The following PDE4D variants were observed in gnomAD, a reference collection of about 807,000 sequenced individuals.
PDE4D encodes 3',5'-cyclic-AMP phosphodiesterase 4D.
A neutral mutation model predicts 87.4 loss-of-function variants in PDE4D; 24 were observed. The observed-to-expected ratio is 0.27, with a 90% CI of 0.20 to 0.39. The LOEUF is 0.39. Ranked by LOEUF, PDE4D falls within the 10% of genes least tolerant of loss-of-function variation. PDE4D has a pLI of 1.00. For missense variants in PDE4D, 714 were observed against 1,041.0 expected, an observed-to-expected ratio of 0.69 and a Z score of 4.32; for synonymous variants, 384 against 383.2, an observed-to-expected ratio of 1.00 and a Z score of -0.02.
intron 5 of PDE4D, among the ~76,000 whole-genome samples, chr5:59,109,403 A>G (rs1354380378): frequency 1.3e-5 from 2 of 152,246 alleles, no homozygotes; most frequent in Non-Finnish European, 2.9e-5. Flanking sequence ...AGAAGCTCTG[A>G]TAAGGAGACT....
chr5:59,423,943 T>C (rs1470625588), intron 1 of PDE4D, among the ~76,000 whole-genome samples: 1 of 151,934 alleles, frequency 6.6e-6, no homozygotes, highest in Non-Finnish European at 1.5e-5. Flanking sequence ...AGAGACTAGT[T>C]ATAAAGTTAG....
At chr5:59,729,625 A>AT (rs35593639) in intron 1 of PDE4D, among the ~76,000 whole-genome samples, 14,134 of 151,018 alleles carry the variant, frequency 0.094, 1,081 homozygotes, top group African/African-American at 0.22. Flanking sequence ...TGACTTGAGT[A>AT]TTTTTTTTTC....
intron 1 of PDE4D, among the ~76,000 whole-genome samples, chr5:59,429,481 T>C (rs1008113847): frequency 3.3e-5 from 5 of 152,306 alleles, no homozygotes; most frequent in Non-Finnish European, 2.9e-5. Flanking sequence ...CTTTGTGAGT[T>C]TGTGTAGATA....
intron 3 of PDE4D, among the ~76,000 whole-genome samples, chr5:59,939,161 G>T (rs78422441): frequency 6.6e-6 from 1 of 152,194 alleles, no homozygotes; most frequent in Non-Finnish European, 1.5e-5. Context: ...TAAAGCACAA[G>T]AATGCAGTGT....
intron 6 of PDE4D, chr5:59,001,963 G>A (rs903670477): frequency 2.0e-5 from 9 of 455,208 alleles, no homozygotes; most frequent in Admixed American, 1.0e-4. Context: ...TGAGTAACCC[G>A]GCATGTTCCC....
At chr5:60,454,888 G>T (rs551873118) in intron 1 of PDE4D, among the ~76,000 whole-genome samples, 1 of 151,950 alleles carries the variant, frequency 6.6e-6, no homozygotes, top group African/African-American at 2.4e-5. Flanking sequence ...ATACATGAGC[G>T]GGGAGTGTAA....
At chr5:59,520,059 T>G (rs1161023015) in intron 1 of PDE4D, among the ~76,000 whole-genome samples, 1 of 152,070 alleles carries the variant, frequency 6.6e-6, no homozygotes, top group Non-Finnish European at 1.5e-5. Context: ...GTCAGGAGTT[T>G]GAGACCAGCC....
intron 2 of PDE4D, among the ~76,000 whole-genome samples, chr5:60,036,575 C>T (rs549636019): frequency 2.2e-4 from 34 of 152,222 alleles, no homozygotes; most frequent in South Asian, 8.3e-4. Context: ...CTCATGTCTC[C>T]GAACTCTTGT....
chr5:58,983,838 C>T (rs927517418), intron 11 of PDE4D, among the ~76,000 whole-genome samples: 31 of 152,192 alleles, frequency 2.0e-4, no homozygotes, highest in African/African-American at 6.0e-4. Flanking sequence ...CTTTTCAGAT[C>T]ACTTAGTAAA....
intron 1 of PDE4D, among the ~76,000 whole-genome samples, chr5:59,496,517 C>T (rs373675090): frequency 6.6e-6 from 1 of 152,092 alleles, no homozygotes; most frequent in South Asian, 2.1e-4. Context: ...GTTCCCCAGT[C>T]GGCTTCCTTG....
At chr5:60,283,622 G>C (rs1424927060) in intron 1 of PDE4D, among the ~76,000 whole-genome samples, 1 of 152,136 alleles carries the variant, frequency 6.6e-6, no homozygotes, top group African/African-American at 2.4e-5. Flanking sequence ...AGTTACATAT[G>C]CATCATGAAC....
chr5:59,981,195 T>C (rs1380234844), intron 3 of PDE4D, among the ~76,000 whole-genome samples: 1 of 152,092 alleles, frequency 6.6e-6, no homozygotes, highest in Non-Finnish European at 1.5e-5. Flanking sequence ...GAGGTTGCAG[T>C]GAGCCGAGAT....
chr5:60,305,941 C>T (rs1224334615), intron 1 of PDE4D, among the ~76,000 whole-genome samples: 1 of 151,948 alleles, frequency 6.6e-6, no homozygotes, highest in Non-Finnish European at 1.5e-5. Flanking sequence ...TTAAAAGGTC[C>T]ATAAAGCATA....
intron 2 of PDE4D, among the ~76,000 whole-genome samples, chr5:59,200,000 A>C (rs1463381445): frequency 6.7e-6 from 1 of 150,180 alleles, no homozygotes; most frequent in Non-Finnish European, 1.5e-5. Context: ...GCATACATGC[A>C]TGCAACATAC....
At chr5:59,180,332 G>C in intron 5 of PDE4D, 1 of 644,550 alleles carries the variant, frequency 1.6e-6, no homozygotes, top group Non-Finnish European at 2.9e-6. Flanking sequence ...CAAATGCCCA[G>C]AGCAATGCTC....
intron 1 of PDE4D, among the ~76,000 whole-genome samples, chr5:59,632,749 A>G (rs141816638): frequency 0.027 from 4,140 of 152,344 alleles, 87 homozygotes; most frequent in Middle Eastern, 0.065. Flanking sequence ...AGCAAAGAAC[A>G]AAGGTAGATA....
At chr5:60,240,818 C>T (rs1747025815) in intron 1 of PDE4D, among the ~76,000 whole-genome samples, 1 of 152,130 alleles carries the variant, frequency 6.6e-6, no homozygotes. Flanking sequence ...CACAGCATTA[C>T]TAGGTTTGTG....
chr5:58,988,942 A>C (rs1185615663), intron 10 of PDE4D, among the ~76,000 whole-genome samples: 2 of 152,198 alleles, frequency 1.3e-5, no homozygotes, highest in East Asian at 1.9e-4. Context: ...AAAATTAGTA[A>C]GACATTAGCA....
chr5:59,722,290 A>C (rs1755953315), intron 1 of PDE4D, among the ~76,000 whole-genome samples: 1 of 152,220 alleles, frequency 6.6e-6, no homozygotes, highest in South Asian at 2.1e-4. Flanking sequence ...AATGAGTGAG[A>C]AATGTGCAAG....
Sources: gnomAD v4.1 joint callset for allele counts (sites outside exome capture counted in the v4.1 genomes callset) on GRCh38, gnomAD v4.1.1 for gene constraint, MANE v1.5 for transcripts, NCBI Gene and HGNC (gene_info 2026-07-23, HGNC 2026-07-21) for gene names.